Variants in FSIP2 observed in about 807,000 individuals in gnomAD.
FSIP2 encodes the protein fibrous sheath interacting protein 2.
In FSIP2, 367 loss-of-function variants were observed where a neutral mutation model predicts 510.5. That is an observed-to-expected ratio of 0.72 (90% confidence interval 0.66 to 0.78). FSIP2 has a LOEUF of 0.78. FSIP2 is among the 30% of genes least tolerant of loss of function. FSIP2 has a pLI of 0.00. For synonymous variants in FSIP2, 2,601 were observed against 2,732.2 expected (o/e 0.95, Z 1.50); for missense variants, 7,594 against 7,901.7 (o/e 0.96, Z 1.48).
intron 9 of FSIP2, among the ~76,000 whole-genome samples, chr2:185,758,333 C>A (rs1692284038): frequency 6.6e-6 from 1 of 150,914 alleles, no homozygotes; most frequent in Admixed American, 6.6e-5. Context: ...AGTACGGACC[C>A]CTTGCACAGT....
In FSIP2 at chr2:185,800,983, A is replaced by G. The variant is rs1693420957; in HGVS notation, c.11677A>G (p.Ile3893Val). ...SFIKARKSEL[I>V]ELGQSKSSLE... is the part of the protein sequence containing the mutation. The stretch of plus-strand genomic sequence containing the variant: ...CATAAAAGCAAGAAAGTCAGAATTA[A>G]TAGAATTAGGACAGAGTAAAAGTTC... Residue 3893 changes from isoleucine (I) to valine (V), a missense_variant, in exon 17 of 23, where the codon ATA (isoleucine) becomes GTA (valine). Transcript: ENST00000424728. 3 of 1,530,074 alleles carry G rather than the reference A, an allele frequency of 2.0e-6. No individual in the cohort carries two copies. Among genetic ancestry groups the G allele is most frequent in the Non-Finnish European group, 2.6e-6 (3 of 1,143,384 alleles). The allele number at this position is 1,530,074 out of a possible 1,614,324, so 94.8% of individuals were successfully genotyped here.
Position 185,756,180 on chromosome 2 carries a change from T to C in FSIP2, c.992-12T>C, listed in dbSNP as rs536167768. On this transcript the variant is annotated splice_polypyrimidine_tract_variant and intron_variant, in intron 8 of 22. Coordinates refer to ENST00000424728, the MANE Select transcript of FSIP2 (RefSeq NM_173651.4). ...ATAAGTAAAAATAAATGTTTTATTA[T>C]ATTTCTTTAAGCTTCTCCAAAGAAT... 5 of 1,053,530 alleles carry C rather than the reference T, an allele frequency of 4.7e-6. No homozygotes were observed. Among genetic ancestry groups the C allele is most frequent in the African/African-American group, 1.6e-5 (1 of 61,962 alleles). The allele number at this position is 1,053,530 out of a possible 1,614,324, so 65.3% of individuals were successfully genotyped here.
chr2:185,745,755 CG>C (rs1692016623), intron 5 of FSIP2, among the ~76,000 whole-genome samples, 187 bp downstream of exon 5: 1 of 151,984 alleles, frequency 6.6e-6, no homozygotes, highest in African/African-American at 2.4e-5. Flanking sequence ...GGTTGCTGGA[CG>C]CCCAAGGGAT....
In FSIP2 at chr2:185,791,830, C is replaced by A; in HGVS notation, c.4694C>A (p.Ser1565Tyr). The A allele has an allele frequency of 6.5e-7, 1 of 1,533,726 alleles. No individual in the cohort carries two copies. The highest frequency in any genetic ancestry group is 8.7e-7 in the Non-Finnish European group (1 of 1,145,442). The change falls in exon 16 of 23, where the codon TCC (serine) becomes TAC (tyrosine). Residue 1565 changes from serine (S) to tyrosine (Y), a missense_variant. Coordinates refer to ENST00000424728, the MANE Select transcript of FSIP2 (RefSeq NM_173651.4). ...SKAKPVAPVS[S>Y]KTPSTKEMHP... ...GCAAAACCTGTTGCTCCTGTGTCTT[C>A]CAAAACACCAAGCACAAAAGAAATG... is the stretch of plus-strand genomic sequence containing the variant.
In FSIP2 at chr2:185,807,529, T is replaced by A; in HGVS notation, c.18223T>A (p.Ser6075Thr). 1 of 1,610,904 alleles carries A rather than the reference T, an allele frequency of 6.2e-7. No individual in the cohort carries two copies. Among genetic ancestry groups the A allele is most frequent in the Non-Finnish European group, 8.5e-7 (1 of 1,178,052 alleles). ...MTIQYVETLQ[S>T]DDDEIIQLVV... ...TATACAGTATGTAGAAACCTTACAATCTGATGATGATGAAATTATTCAATT... is the reference window on the plus strand; with the variant it reads ...TATACAGTATGTAGAAACCTTACAAACTGATGATGATGAAATTATTCAATT... The change falls in exon 17 of 23, where the codon TCT (serine) becomes ACT (threonine). Residue 6075 changes from serine to threonine, a missense_variant. Ser to Thr is a moderately conservative substitution (Grantham distance 58). Transcript: ENST00000424728.
chr2:185,809,717 T>G (rs1693685461), intron 17 of FSIP2, among the ~76,000 whole-genome samples: 1 of 152,034 alleles, frequency 6.6e-6, no homozygotes, highest in African/African-American at 2.4e-5. Context: ...CCTCTCAAGA[T>G]GTACCCATTT....
chr2:185,791,937 T>C lies in FSIP2; in HGVS notation c.4801T>C (p.Leu1601=). 1 of 1,533,956 alleles carries C rather than the reference T, an allele frequency of 6.5e-7. No individual in the cohort carries two copies. Among genetic ancestry groups the C allele is most frequent in the South Asian group, 1.2e-5 (1 of 83,992 alleles). ...ACTGGAAGGGTTTGCCAACGGACATTTAGAAATTTTGGGTGCTATTAATGA... is the reference window on the plus strand; with the variant it reads ...ACTGGAAGGGTTTGCCAACGGACATCTAGAAATTTTGGGTGCTATTAATGA... ...AKLEGFANGH[L]EILGAINDGN... Residue 1601 remains leucine, a synonymous_variant, in exon 16 of 23, where the codon TTA becomes CTA. Coordinates refer to ENST00000424728, the MANE Select transcript of FSIP2 (RefSeq NM_173651.4).
At chr2:185,766,884 C>A in intron 13 of FSIP2, among the ~76,000 whole-genome samples, 4 of 122,976 alleles carry the variant, frequency 3.3e-5, no homozygotes, top group Non-Finnish European at 1.7e-5. Context: ...TTTATTGTGG[C>A]ATTATTCACA....
At chr2:185,740,513 TA>T (rs1405802803) in intron 2 of FSIP2, 1 of 152,236 alleles carries the variant, frequency 6.6e-6, no homozygotes, top group Non-Finnish European at 1.5e-5. Flanking sequence ...CTTACCCTTC[TA>T]ATGTCTATGA....
rs1168168414 is a variant in FSIP2 at position 185,804,792 on chromosome 2, A to G, written c.15486A>G (p.Ile5162Met). Residue 5162 changes from isoleucine to methionine, a missense_variant, in exon 17 of 23, where the codon ATA (isoleucine) becomes ATG (methionine). Coordinates refer to ENST00000424728, the MANE Select transcript of FSIP2 (RefSeq NM_173651.4). The stretch of plus-strand genomic sequence containing the variant: ...CTTCAAAATTGACTGATGAAATTAT[A>G]AAAGAAATTTCTGAACATGAGATTC... ...EAASKLTDEIIKEISEHEIRL... is the reference protein window; with the variant it reads ...EAASKLTDEIMKEISEHEIRL... 1.3e-6 allele frequency: 2 copies of G among 1,532,812 alleles called. No individual in the cohort carries two copies. Among genetic ancestry groups the G allele is most frequent in the South Asian group, 1.2e-5 (1 of 83,844 alleles). The allele number at this position is 1,532,812 out of a possible 1,614,324, so 95.0% of individuals were successfully genotyped here. A position where few individuals can be genotyped will look rare whatever the true frequency, so the allele number is the denominator to read the frequency against.
chr2:185,758,869 T>C (rs905156888), intron 9 of FSIP2, among the ~76,000 whole-genome samples: 4 of 151,326 alleles, frequency 2.6e-5, no homozygotes, highest in African/African-American at 7.3e-5. Context: ...TTTTGTGGCT[T>C]TATAATAAGT....
intron 14 of FSIP2, among the ~76,000 whole-genome samples, chr2:185,783,027 C>T (rs769308229): frequency 3.3e-5 from 5 of 152,124 alleles, no homozygotes; most frequent in Non-Finnish European, 7.4e-5. Context: ...CGCATCATAG[C>T]CTTCTTCCGG....
At chr2:185,778,884 A>T (rs1692782840) in intron 13 of FSIP2, among the ~76,000 whole-genome samples, 1 of 152,042 alleles carries the variant, frequency 6.6e-6, no homozygotes. Context: ...TCCTTAATGT[A>T]GCTCTGCCCA....
rs749893589 is a variant in FSIP2 at position 185,802,627 on chromosome 2, C to G, written c.13321C>G (p.Gln4441Glu). 6.5e-7 allele frequency: 1 copy of G among 1,533,654 alleles called. No individual in the cohort carries two copies. The change falls in exon 17 of 23, where the codon CAG becomes GAG. Residue 4441 changes from glutamine (Q) to glutamate (E), a missense_variant. Coordinates refer to ENST00000424728, the MANE Select transcript of FSIP2 (RefSeq NM_173651.4). ...TAATTCAGTGGCTGAGAATATTGTT[C>G]AGGACATCCTTAGTAACATCAGTAA... The part of the protein sequence containing the change: ...YSNSVAENIV[Q>E]DILSNISKST...
chr2:185,785,199 G>A (rs1692942143), intron 14 of FSIP2, among the ~76,000 whole-genome samples: 1 of 152,058 alleles, frequency 6.6e-6, no homozygotes. Flanking sequence ...GTTGACCTAA[G>A]AAACCAGATC....
In FSIP2 at chr2:185,807,306, T is replaced by C. The variant is rs1559035780; in HGVS notation, c.18000T>C (p.Thr6000=). The C allele has an allele frequency of 6.2e-7, 1 of 1,612,774 alleles. No homozygotes were observed. The highest frequency in any genetic ancestry group is 1.1e-5 in the South Asian group (1 of 90,982). ...LAQTASKECQ[T]SSPYTIILPH... ...AAACAGCCAGCAAAGAATGTCAAAC[T>C]TCATCACCATATACAATAATATTAC... is the stretch of plus-strand genomic sequence containing the variant. The change falls in exon 17 of 23, where the codon ACT becomes ACC. Residue 6000 remains threonine (T), a synonymous_variant. Coordinates refer to ENST00000424728, the MANE Select transcript of FSIP2 (RefSeq NM_173651.4).
intron 13 of FSIP2, among the ~76,000 whole-genome samples, chr2:185,767,081 C>T (rs1448638893): frequency 7.3e-6 from 1 of 137,236 alleles, no homozygotes; most frequent in East Asian, 2.1e-4. Flanking sequence ...AAAAACCAAA[C>T]ACCGCATATT....
At chr2:185,815,647 G>C (rs1260225908) in intron 19 of FSIP2, among the ~76,000 whole-genome samples, 176 bp downstream of exon 19, 5 of 151,962 alleles carry the variant, frequency 3.3e-5, no homozygotes, top group Non-Finnish European at 7.4e-5. Flanking sequence ...CTTGCTATCT[G>C]TTCCTTTATT....
In FSIP2 at chr2:185,804,289, G is replaced by A; in HGVS notation, c.14983G>A (p.Glu4995Lys). Reference sequence around the variant, plus strand: ...AACATTGGTAAATTCAATTGTTCTGGAGTTCACCACATCAGAGATTTTAGT... The same window carrying A: ...AACATTGGTAAATTCAATTGTTCTGAAGTTCACCACATCAGAGATTTTAGT... The part of the protein sequence containing the change: ...VTTLVNSIVL[E>K]FTTSEILVAD... The change falls in exon 17 of 23, where the codon GAG (glutamate) becomes AAG (lysine). Residue 4995 changes from glutamate to lysine, a missense_variant. By Grantham distance (56) the Glu-to-Lys change is moderately conservative. Coordinates refer to ENST00000424728, the MANE Select transcript of FSIP2 (RefSeq NM_173651.4). 6.6e-7 allele frequency: 1 copy of A among 1,526,402 alleles called. No homozygotes were observed. Among genetic ancestry groups the A allele is most frequent in the Non-Finnish European group, 8.8e-7 (1 of 1,142,520 alleles). 94.6% of individuals were successfully genotyped at this position (1,526,402 alleles called of 1,614,324 possible).
Sources: allele counts gnomAD v4.1 joint callset (sites outside exome capture counted in the v4.1 genomes callset), GRCh38; gene constraint gnomAD v4.1.1; transcripts MANE v1.5; gene names NCBI Gene and HGNC (gene_info 2026-07-23, HGNC 2026-07-21).